The following PDCD4 variants were observed in gnomAD, a reference collection of about 807,000 sequenced individuals.
PDCD4 encodes programmed cell death 4, also known as programmed cell death protein 4.
In PDCD4, 56 loss-of-function variants were observed where a neutral mutation model predicts 54.0. The observed-to-expected ratio is 1.04, with a 90% confidence interval of 0.84 to 1.30. PDCD4 has a LOEUF of 1.30. PDCD4 is among the 50% of genes most tolerant of loss of function. PDCD4 has a pLI of 0.00. For missense variants in PDCD4, 584 were observed against 559.8 expected (o/e 1.04, Z -0.44); for synonymous variants, 186 against 194.8 (o/e 0.95, Z 0.37).
At chr10:110,876,982 A>G (rs192353180) in intron 2 of PDCD4, among the ~76,000 whole-genome samples, 8 of 152,296 alleles carry the variant, frequency 5.3e-5, no homozygotes, top group South Asian at 2.1e-4. Flanking sequence ...TTAACTCACT[A>G]TTGTTTACAA....
intron 4 of PDCD4, among the ~76,000 whole-genome samples, chr10:110,884,255 C>G (rs1004316684): frequency 1.1e-4 from 16 of 152,104 alleles, no homozygotes; most frequent in Non-Finnish European, 1.5e-4. Context: ...TGGTAGCTGT[C>G]TAGGTTATCG....
intron 1 of PDCD4, among the ~76,000 whole-genome samples, chr10:110,875,581 C>A (rs572536208): frequency 3.3e-4 from 50 of 152,172 alleles, no homozygotes; most frequent in Middle Eastern, 6.8e-3. Flanking sequence ...AGGGAACTAT[C>A]CAGTATTTAT....
chr10:110,887,705 G>C lies in PDCD4; in HGVS notation c.596G>C (p.Gly199Ala). 1 of 1,613,160 alleles carries C rather than the reference G, an allele frequency of 6.2e-7. No individual in the cohort carries two copies. ...RDLNLGEMKSGVPVLAVSLAL... is the reference protein window; with the variant it reads ...RDLNLGEMKSAVPVLAVSLAL... ...TTAAATCTTGGTGAAATGAAAAGTG[G>C]AGTACCAGTGTTGGCAGTATCCTTA... The change falls in exon 6 of 12, where the codon GGA becomes GCA. Residue 199 changes from glycine (G) to alanine (A), a missense_variant. Transcript: ENST00000280154.
rs868660440 is a variant in PDCD4, at chr10:110,892,726, A to T, written c.991-1365A>T. On this transcript the variant is annotated intron_variant, in intron 8 of 11. Coordinates refer to ENST00000280154, the MANE Select transcript of PDCD4 (RefSeq NM_014456.5). ...TGTAATGTTGTAGCACAGTTACTTTATTTTTTCATAAATTTAATGTAGCCT... is the reference window on the plus strand; with the variant it reads ...TGTAATGTTGTAGCACAGTTACTTTTTTTTTTCATAAATTTAATGTAGCCT... Among the ~76,000 whole-genome samples the T allele has an allele frequency of 2.0e-5, 3 of 152,116 alleles. No individual in the cohort carries two copies. The South Asian group carries it at 6.2e-4, about 32-fold the overall frequency.
chr10:110,894,324 C>G, intron 9 of PDCD4, 88 bp from the exon 10 acceptor site: 1 of 895,410 alleles, frequency 1.1e-6, no homozygotes, highest in Non-Finnish European at 1.8e-6. Flanking sequence ...TATTAAATTT[C>G]TACGATTACA....
Position 110,889,553 on chromosome 10 carries a change from T to G in PDCD4, c.798T>G (p.Ala266=). The G allele has an allele frequency of 6.2e-7, 1 of 1,604,624 alleles. No individual in the cohort carries two copies. Among genetic ancestry groups the G allele is most frequent in the Non-Finnish European group, 8.5e-7 (1 of 1,172,156 alleles). The change falls in exon 7 of 12, where the codon GCT becomes GCG. Residue 266 remains alanine (A), a synonymous_variant. Coordinates refer to ENST00000280154, the MANE Select transcript of PDCD4 (RefSeq NM_014456.5). ...RAPQLVGQFI[A]RAVGDGILCN... ...TACAGTTGGTGGGCCAGTTTATTGC[T>G]AGAGCTGTTGGAGATGGAATTTTAT...
chr10:110,887,784 C>T lies in PDCD4; in HGVS notation c.675C>T (p.Asp225=), dbSNP rs775843713. Reference sequence around the variant, plus strand: ...AGATGACATCTAAGCTTCTTTCTGACCTTTGTGGGACAGTAATGAGCACAA... The same window carrying T: ...AGATGACATCTAAGCTTCTTTCTGATCTTTGTGGGACAGTAATGAGCACAA... ...HREMTSKLLS[D]LCGTVMSTTD... Residue 225 remains aspartate, a synonymous_variant, in exon 6 of 12, where the codon GAC becomes GAT. Transcript: ENST00000280154. The T allele has an allele frequency of 4.3e-6, 7 of 1,613,362 alleles. No individual in the cohort carries two copies. The Admixed American group carries it at 1.2e-4, about 27-fold the overall frequency.
chr10:110,875,932 C>G, intron 1 of PDCD4, 34 bp from the exon 2 acceptor site: 1 of 961,980 alleles, frequency 1.0e-6, no homozygotes, highest in Non-Finnish European at 1.6e-6. Context: ...TTTAAAAGAT[C>G]TTGAAGCTTT....
At chr10:110,883,206 G>T in intron 4 of PDCD4, 109 bp downstream of exon 4, 1 of 715,006 alleles carries the variant, frequency 1.4e-6, no homozygotes, top group Non-Finnish European at 2.3e-6. Context: ...AAATGTTTTG[G>T]ATTAGGAAAC....
chr10:110,880,050 C>A (rs1443194680), intron 2 of PDCD4, among the ~76,000 whole-genome samples: 3 of 152,164 alleles, frequency 2.0e-5, no homozygotes, highest in Non-Finnish European at 4.4e-5. Flanking sequence ...ATGAACAAAA[C>A]TGTGGCCCAG....
At chr10:110,896,224 C>T (rs1781784206) in intron 11 of PDCD4, 137 bp downstream of exon 11, 3 of 654,356 alleles carry the variant, frequency 4.6e-6, no homozygotes, top group African/African-American at 1.9e-5. Flanking sequence ...GAAAGAAGGG[C>T]GAAGCTTGTT....
rs147324852 is a variant in PDCD4 at position 110,891,618 on chromosome 10, T to G, written c.990+948T>G. Among the ~76,000 whole-genome samples the G allele has an allele frequency of 6.6e-5, 10 of 152,208 alleles. No homozygotes were observed. The East Asian group carries it at 1.5e-3, about 23-fold the overall frequency. ...CTGATTTTTGAGTATAATCTTTTCA[T>G]GTAACTACAATTTTGATTTTTAGTA... On this transcript the variant is annotated intron_variant, in intron 8 of 11. Transcript: ENST00000280154.
intron 11 of PDCD4, among the ~76,000 whole-genome samples, chr10:110,897,258 T>G (rs562739274): frequency 6.6e-6 from 1 of 152,364 alleles, no homozygotes; most frequent in Non-Finnish European, 1.5e-5. Flanking sequence ...ATAAACTTTC[T>G]GTGTATACAT....
chr10:110,895,698 A>G (rs188514600), intron 10 of PDCD4, among the ~76,000 whole-genome samples: 1 of 152,310 alleles, frequency 6.6e-6, no homozygotes, highest in African/African-American at 2.4e-5. Flanking sequence ...TCCCACCAAC[A>G]GCGTATAAAC....
chr10:110,875,517 A>G (rs903413877), intron 1 of PDCD4, among the ~76,000 whole-genome samples: 1 of 152,178 alleles, frequency 6.6e-6, no homozygotes, highest in Admixed American at 6.5e-5. Context: ...GATATTCTTT[A>G]TTAACTAAAA....
At chr10:110,878,042 A>C (rs1330950213) in intron 2 of PDCD4, among the ~76,000 whole-genome samples, 1 of 152,192 alleles carries the variant, frequency 6.6e-6, no homozygotes, top group Non-Finnish European at 1.5e-5. Flanking sequence ...TGGAGTGGTT[A>C]CTATTGAGAT....
intron 8 of PDCD4, 186 bp downstream of exon 8, chr10:110,890,856 A>G (rs1277975389): frequency 2.6e-6 from 1 of 387,692 alleles, no homozygotes. Context: ...ATGATTAAAA[A>G]ATGAGTCTGT....
intron 8 of PDCD4, among the ~76,000 whole-genome samples, chr10:110,891,125 A>G (rs1391341030): frequency 6.6e-6 from 1 of 152,134 alleles, no homozygotes; most frequent in Non-Finnish European, 1.5e-5. Context: ...ACCCATATGC[A>G]TGTTTTAAAA....
chr10:110,894,027 G>GTA (rs1384426925), intron 8 of PDCD4, 64 bp from the exon 9 acceptor site: 1 of 952,984 alleles, frequency 1.0e-6, no homozygotes, highest in Non-Finnish European at 1.7e-6. Context: ...AAATAATCCT[G>GTA]TAGGCAAGCA....
Sources: allele counts gnomAD v4.1 joint callset (sites outside exome capture counted in the v4.1 genomes callset), GRCh38; gene constraint gnomAD v4.1.1; transcripts MANE v1.5; gene names NCBI Gene and HGNC (gene_info 2026-07-23, HGNC 2026-07-21).